The following CA4 variants were observed in gnomAD, a reference collection of about 807,000 sequenced individuals.
CA4 encodes the protein carbonic anhydrase 4, also known as CA-IV.
Under a neutral mutation model 34.5 loss-of-function variants are expected in CA4, and 24 were observed. That is an observed-to-expected ratio of 0.70 (90% CI 0.50 to 0.98). The LOEUF is 0.98. Ranked by LOEUF, CA4 falls within the 50% of genes least tolerant of loss-of-function variation. The pLI is 0.00. For missense variants in CA4, 394 were observed against 396.7 expected, an observed-to-expected ratio of 0.99 and a Z score of 0.06; for synonymous variants, 178 against 170.6, an observed-to-expected ratio of 1.04 and a Z score of -0.34.
Position 60,159,441 on chromosome 17 carries a change from G to T in CA4, c.*17G>T. 2.5e-6 allele frequency: 4 copies of T among 1,608,508 alleles called. No homozygotes were observed. Among genetic ancestry groups the T allele is most frequent in the Non-Finnish European group, 3.4e-6 (4 of 1,178,970 alleles). On this transcript the variant is annotated 3_prime_UTR_variant, in exon 8 of 8. Coordinates refer to ENST00000300900, the MANE Select transcript of CA4 (RefSeq NM_000717.5). ...CTGCGATGATGGCTCACTTCTGCAC[G>T]CAGCCTCTCTGTTGCCTCAGCTCTC... is the stretch of plus-strand genomic sequence containing the variant.
downstream of CA4, among the ~76,000 whole-genome samples, chr17:60,161,895 G>T (rs1360340915): frequency 6.6e-6 from 1 of 152,086 alleles, no homozygotes; most frequent in Non-Finnish European, 1.5e-5. Context: ...AGGGCTCTGA[G>T]GTCAGAATGG....
At position 60,157,530 on chromosome 17, in the gene CA4, G is replaced by C; in HGVS notation, c.372G>C (p.Lys124Asn). 1 of 1,614,214 alleles carries C rather than the reference G, an allele frequency of 6.2e-7. No individual in the cohort carries two copies. The highest frequency in any genetic ancestry group is 8.5e-7 in the Non-Finnish European group (1 of 1,180,036). ...TGCACTGGTCCGACTTGCCATATAA[G>C]GGCTCGGAGCACAGCCTCGATGGGG... ...LHLHWSDLPYKGSEHSLDGEH... is the reference protein window; with the variant it reads ...LHLHWSDLPYNGSEHSLDGEH... Residue 124 changes from lysine (K) to asparagine (N), a missense_variant, in exon 4 of 8, where the codon AAG (lysine) becomes AAC (asparagine). Physicochemically the swap from Lys to Asn is moderately conservative, Grantham distance 94 (BLOSUM62 0). Transcript: ENST00000300900.
chr17:60,156,492 T>C, intron 2 of CA4, 68 bp from the exon 3 acceptor site: 1 of 1,507,804 alleles, frequency 6.6e-7, no homozygotes, highest in Non-Finnish European at 9.2e-7. Context: ...CTGACTTCAG[T>C]GGGGTGGTGG....
At chr17:60,151,209 GT>G (rs1011197440) in intron 1 of CA4, among the ~76,000 whole-genome samples, 1 of 152,124 alleles carries the variant, frequency 6.6e-6, no homozygotes, top group Non-Finnish European at 1.5e-5. Flanking sequence ...CCCTCGGATG[GT>G]TCTTGGGGTC....
At chr17:60,162,613 T>C (rs1225738480), downstream of CA4, among the ~76,000 whole-genome samples, 6 of 151,732 alleles carry the variant, frequency 4.0e-5, no homozygotes, top group Non-Finnish European at 8.8e-5. Context: ...TCACTGTAGC[T>C]GGCCAGGCCT....
At chr17:60,170,476 C>T (rs966883617) in intron 5 of CA4, 1 of 152,310 alleles carries the variant, frequency 6.6e-6, no homozygotes, top group African/African-American at 2.4e-5. Context: ...CTTTGCTTGA[C>T]TCAATCCAGA....
At chr17:60,151,472 A>T (rs2083590812) in intron 1 of CA4, 1 of 152,240 alleles carries the variant, frequency 6.6e-6, no homozygotes, top group Admixed American at 6.5e-5. Flanking sequence ...CTAAGCAGCT[A>T]GAAAGTAGAA....
chr17:60,163,637 G>A (rs1425071800), downstream of CA4, among the ~76,000 whole-genome samples: 4 of 152,228 alleles, frequency 2.6e-5, no homozygotes, highest in African/African-American at 4.8e-5. Flanking sequence ...GGCCCAGGGA[G>A]GGGCTTCCTT....
chr17:60,155,991 C>T (rs892834912), intron 2 of CA4, among the ~76,000 whole-genome samples: 3 of 152,066 alleles, frequency 2.0e-5, no homozygotes, highest in East Asian at 1.9e-4. Flanking sequence ...CAGTGCTGCC[C>T]GCTCCTGACC....
chr17:60,157,053 G>A (rs531374984), intron 3 of CA4: 33 of 516,818 alleles, frequency 6.4e-5, no homozygotes, highest in Non-Finnish European at 9.8e-5. Flanking sequence ...CAGAGCCCAA[G>A]CAAGGCCCAG....
intron 7 of CA4, 114 bp from the exon 8 acceptor site, chr17:60,159,116 G>A: frequency 1.1e-6 from 1 of 878,566 alleles, no homozygotes; most frequent in Non-Finnish European, 1.9e-6. Context: ...GGGGTTCAGA[G>A]CCCCTCTTTC....
At chr17:60,155,234 G>A in intron 1 of CA4, 80 bp from the exon 2 acceptor site, 1 of 1,371,334 alleles carries the variant, frequency 7.3e-7, no homozygotes, top group Non-Finnish European at 1.0e-6. Context: ...CCCAGGGGTA[G>A]GCCCAGCCTC....
At chr17:60,172,962 G>A (rs2083924532), downstream of CA4, among the ~76,000 whole-genome samples, 1 of 152,086 alleles carries the variant, frequency 6.6e-6, no homozygotes, top group Admixed American at 6.5e-5. Flanking sequence ...TGACCAACAT[G>A]GAGAAACCCC....
intron 5 of CA4, among the ~76,000 whole-genome samples, chr17:60,169,842 C>A (rs565962525): frequency 6.6e-6 from 1 of 152,356 alleles, no homozygotes; most frequent in Non-Finnish European, 1.5e-5. Flanking sequence ...TCCAAATTTA[C>A]ACTGGCTATT....
At chr17:60,156,977 C>G (rs1336149717) in intron 3 of CA4, 2 of 563,092 alleles carry the variant, frequency 3.6e-6, no homozygotes, top group South Asian at 2.0e-5. Flanking sequence ...AGGCATGGAA[C>G]AGCTCGGCGT....
chr17:60,162,270 A>G (rs1277939360), downstream of CA4, among the ~76,000 whole-genome samples: 1 of 152,108 alleles, frequency 6.6e-6, no homozygotes, highest in Non-Finnish European at 1.5e-5. Flanking sequence ...CGAGGCCGCC[A>G]CTGATGGCAT....
At chr17:60,158,550 C>A in intron 7 of CA4, 104 bp downstream of exon 7, 1 of 1,179,060 alleles carries the variant, frequency 8.5e-7, no homozygotes, top group South Asian at 1.3e-5. Flanking sequence ...GTGGGGAGCC[C>A]AGGTAACTGA....
At chr17:60,156,892 G>A (rs773316981) in intron 3 of CA4, 177 bp downstream of exon 3, 11 of 670,834 alleles carry the variant, frequency 1.6e-5, no homozygotes, top group South Asian at 8.3e-5. Context: ...GTATGTTTTC[G>A]TTACTTTTGT....
In CA4 at chr17:60,158,326, C is replaced by G. The variant is rs758395514; in HGVS notation, c.624C>G (p.Leu208=). The part of the protein sequence containing the change: ...TMAESSLLDL[L]PKEEKLRHYF... The stretch of plus-strand genomic sequence containing the variant: ...CAGAGAGCAGCCTGTTGGACCTGCT[C>G]CCCAAGGAGGAGAAACTGAGGCACT... The change falls in exon 7 of 8, where the codon CTC becomes CTG. Residue 208 remains leucine (L), a synonymous_variant. Transcript: ENST00000300900. 8.7e-6 allele frequency: 14 copies of G among 1,614,128 alleles called. No homozygotes were observed. The South Asian group carries it at 1.3e-4, about 15-fold the overall frequency.
Sources: gnomAD v4.1 joint callset for allele counts (sites outside exome capture counted in the v4.1 genomes callset) on GRCh38, gnomAD v4.1.1 for gene constraint, MANE v1.5 for transcripts, NCBI Gene and HGNC (gene_info 2026-07-23, HGNC 2026-07-21) for gene names.